Variants in CYP3A43 observed in about 807,000 individuals in gnomAD.
CYP3A43 encodes the protein cytochrome P450 3A43.
In CYP3A43, 45 loss-of-function variants were observed where a neutral mutation model predicts 58.0. The ratio of observed to expected loss-of-function variants is 0.78; its 90% CI spans 0.61 to 0.99. The LOEUF is 0.99. Ranked by LOEUF, CYP3A43 falls within the 50% of genes least tolerant of loss-of-function variation. The probability of loss-of-function intolerance (pLI) is 0.00; values close to 1 mark genes in which losing one functional copy is unlikely to be tolerated. For missense variants in CYP3A43, 593 were observed against 591.9 expected (o/e 1.00, Z -0.02); for synonymous variants, 191 against 201.4 (o/e 0.95, Z 0.44).
chr7:99,847,753 T>C, intron 5 of CYP3A43, 152 bp downstream of exon 5: 4 of 1,236,460 alleles, frequency 3.2e-6, no homozygotes, highest in Non-Finnish European at 4.6e-6. Flanking sequence ...GGCTCATGCC[T>C]GTAATCCCAG....
At chr7:99,845,199 G>A (rs548636843) in intron 4 of CYP3A43, among the ~76,000 whole-genome samples, 1 of 152,256 alleles carries the variant, frequency 6.6e-6, no homozygotes, top group African/African-American at 2.4e-5. Flanking sequence ...TCTGTGGCCT[G>A]TGGCTGTGTG....
intron 5 of CYP3A43, chr7:99,847,880 C>T: frequency 5.9e-6 from 3 of 508,294 alleles, no homozygotes; most frequent in Admixed American, 3.2e-5. Context: ...GGCATGGTGG[C>T]GGATGCCTAT....
At chr7:99,831,148 C>A (rs1291749524) in intron 1 of CYP3A43, among the ~76,000 whole-genome samples, 1 of 152,190 alleles carries the variant, frequency 6.6e-6, no homozygotes, top group Non-Finnish European at 1.5e-5. Context: ...AAAGAGGGAA[C>A]CAAGCTAACA....
At chr7:99,836,254 C>T (rs1039483788) in intron 1 of CYP3A43, among the ~76,000 whole-genome samples, 199 bp from the exon 2 acceptor site, 3 of 152,204 alleles carry the variant, frequency 2.0e-5, no homozygotes, top group African/African-American at 7.2e-5. Flanking sequence ...TAAATATCCT[C>T]CTGAACCCCA....
intron 7 of CYP3A43, among the ~76,000 whole-genome samples, chr7:99,853,789 C>A (rs1817853292): frequency 6.6e-6 from 1 of 152,218 alleles, no homozygotes; most frequent in Non-Finnish European, 1.5e-5. Context: ...TTCCTGACCT[C>A]AGGTGATCCA....
intron 9 of CYP3A43, among the ~76,000 whole-genome samples, 179 bp downstream of exon 9, chr7:99,857,078 C>T (rs1328889837): frequency 2.0e-5 from 3 of 152,296 alleles, no homozygotes; most frequent in Non-Finnish European, 4.4e-5. Flanking sequence ...ACAGGCATAG[C>T]CACATTCCAG....
At chr7:99,847,368 C>A in intron 4 of CYP3A43, 120 bp from the exon 5 acceptor site, 1 of 978,432 alleles carries the variant, frequency 1.0e-6, no homozygotes, top group Non-Finnish European at 1.5e-6. Flanking sequence ...TAGAGCCTGC[C>A]ACCCAGTAGA....
In CYP3A43 at chr7:99,848,095, ATGC is replaced by A. The variant is rs1584220370; in HGVS notation, c.433-68_433-66del. 37 of 1,466,530 alleles carry A rather than the reference ATGC, an allele frequency of 2.5e-5. No individual in the cohort carries two copies. In the East Asian group the frequency reaches 8.5e-4, roughly 34 times the overall value. The allele number at this position is 1,466,530 out of a possible 1,614,324, so 90.8% of individuals were successfully genotyped here. A position where few individuals can be genotyped will look rare whatever the true frequency, so the allele number is the denominator to read the frequency against. On this transcript the variant is annotated intron_variant, in intron 5 of 12. Coordinates refer to ENST00000354829, the MANE Select transcript of CYP3A43 (RefSeq NM_057095.3). Reference sequence around the variant, plus strand: ...ATTACAAAATATCATTTACTGTTCCATGCTGGGCAAAGCCATGTCCTTCTGAGA... The same window carrying A: ...ATTACAAAATATCATTTACTGTTCCATGGGCAAAGCCATGTCCTTCTGAGA...
chr7:99,862,767 A>T (rs1237746314), intron 11 of CYP3A43, among the ~76,000 whole-genome samples: 2 of 152,344 alleles, frequency 1.3e-5, no homozygotes, highest in South Asian at 4.1e-4. Context: ...CTTGTTAGGC[A>T]TGCTGTCTCT....
At chr7:99,851,337 G>A (rs142241227) in intron 7 of CYP3A43, among the ~76,000 whole-genome samples, 1 of 152,258 alleles carries the variant, frequency 6.6e-6, no homozygotes, top group African/African-American at 2.4e-5. Context: ...TGGAATGGAG[G>A]CGTTTTATAG....
chr7:99,828,356 TACA>T (rs2151583208), intron 1 of CYP3A43, among the ~76,000 whole-genome samples, 170 bp downstream of exon 1: 1 of 152,322 alleles, frequency 6.6e-6, no homozygotes, highest in East Asian at 1.9e-4. Context: ...GGACTCCTAA[TACA>T]ACATTTGAAA....
chr7:99,863,384 C>T (rs1004191295), intron 11 of CYP3A43, 153 bp from the exon 12 acceptor site: 17 of 443,058 alleles, frequency 3.8e-5, no homozygotes, highest in Non-Finnish European at 5.8e-5. Flanking sequence ...ATTGTATAGC[C>T]GGCCAGGTGT....
intron 4 of CYP3A43, among the ~76,000 whole-genome samples, chr7:99,845,958 G>T (rs992520806): frequency 7.2e-5 from 11 of 151,866 alleles, no homozygotes; most frequent in African/African-American, 2.7e-4. Flanking sequence ...GGTATTTTTA[G>T]TAGATACGGG....
chr7:99,837,318 C>CAAAAAAAAAAAAAAAAAAAAAAA (rs35566033), intron 2 of CYP3A43, among the ~76,000 whole-genome samples: 1 of 66,698 alleles, frequency 1.5e-5, no homozygotes, highest in African/African-American at 4.4e-5. Context: ...GACTGTGTCT[C>CAAAAAAAAAAAAAAAAAAAAAAA]AAAAAAAAAA....
At chr7:99,851,164 A>T (rs1263195281) in intron 7 of CYP3A43, among the ~76,000 whole-genome samples, 2 of 104,318 alleles carry the variant, frequency 1.9e-5, no homozygotes, top group African/African-American at 1.5e-4. Context: ...ACCCCGTCTA[A>T]AAAAAAAAAA....
At position 99,865,995 on chromosome 7, in the gene CYP3A43, A is replaced by G. The variant is rs1256507714; in HGVS notation, c.1506A>G (p.Gly502=). 2.5e-6 allele frequency: 4 copies of G among 1,594,692 alleles called. No homozygotes were observed. Among genetic ancestry groups the G allele is most frequent in the South Asian group, 1.2e-5 (1 of 86,808 alleles). ...ACTTAAGAGATGGGATTACAAGTGG[A>G]CCCTGACTTTCCCTAAGGACTTCCA... ...KVHLRDGITS[G]P The change falls in exon 13 of 13, where the codon GGA becomes GGG. Residue 502 remains glycine (G), a synonymous_variant. Transcript: ENST00000354829.
At chr7:99,858,037 T>G (rs1292644759) in intron 9 of CYP3A43, among the ~76,000 whole-genome samples, 1 of 152,144 alleles carries the variant, frequency 6.6e-6, no homozygotes, top group Non-Finnish European at 1.5e-5. Context: ...AATACAGACA[T>G]CACTAGATAC....
chr7:99,842,591 T>C (rs1239310275), intron 3 of CYP3A43, among the ~76,000 whole-genome samples: 1 of 152,222 alleles, frequency 6.6e-6, no homozygotes, highest in Non-Finnish European at 1.5e-5. Context: ...TAAAACATAC[T>C]GTGGTCCTTT....
At chr7:99,832,703 A>C (rs1009512973) in intron 1 of CYP3A43, among the ~76,000 whole-genome samples, 8 of 152,180 alleles carry the variant, frequency 5.3e-5, no homozygotes, top group South Asian at 2.1e-4. Flanking sequence ...TAATAGAAAA[A>C]AAAACAAAAC....
Sources: gnomAD v4.1 joint callset for allele counts (sites outside exome capture counted in the v4.1 genomes callset) on GRCh38, gnomAD v4.1.1 for gene constraint, MANE v1.5 for transcripts, NCBI Gene and HGNC (gene_info 2026-07-23, HGNC 2026-07-21) for gene names.